Variants in SNPH observed in about 807,000 individuals in gnomAD.
The protein encoded by SNPH is syntaphilin.
In SNPH, 10 loss-of-function variants were observed where a neutral mutation model predicts 36.8. That is an observed-to-expected ratio of 0.27 (90% CI 0.17 to 0.46). SNPH has a LOEUF of 0.46. Among genes scored for constraint, SNPH ranks in the 20% least tolerant of loss-of-function variants. The pLI, the probability that SNPH is intolerant of heterozygous loss-of-function variation, is 1.00. For missense variants in SNPH, 622 were observed against 744.0 expected, an observed-to-expected ratio of 0.84 and a Z score of 1.91; for synonymous variants, 281 against 312.2, an observed-to-expected ratio of 0.90 and a Z score of 1.05.
chr20:1,292,707 C>A (rs959449440), intron 2 of SNPH, among the ~76,000 whole-genome samples: 3 of 152,170 alleles, frequency 2.0e-5, no homozygotes, highest in Non-Finnish European at 2.9e-5. Context: ...GCCTGCCCCC[C>A]TCCTTCTGCA....
At chr20:1,278,944 A>C (rs951583305) in intron 2 of SNPH, among the ~76,000 whole-genome samples, 6 of 152,194 alleles carry the variant, frequency 3.9e-5, no homozygotes, top group African/African-American at 1.4e-4. Context: ...ATAAATCATC[A>C]TTTGTTTATA....
chr20:1,305,655 C>T lies in SNPH; in HGVS notation c.1218C>T (p.Asn406=). ...ACCCTTCAGGGCCCAGAGACCCCAACTCAGCAGTGGTGGTGACAGTGGGTG... is the reference window on the plus strand; with the variant it reads ...ACCCTTCAGGGCCCAGAGACCCCAATTCAGCAGTGGTGGTGACAGTGGGTG... ...DAHPSGPRDP[N]SAVVVTVGDE... is the part of the protein sequence containing the mutation. Residue 406 remains asparagine (N), a synonymous_variant, in exon 7 of 7, where the codon AAC becomes AAT. Transcript: ENST00000381867. The T allele has an allele frequency of 2.5e-6, 4 of 1,613,138 alleles. No homozygotes were observed. Among genetic ancestry groups the T allele is most frequent in the Non-Finnish European group, 3.4e-6 (4 of 1,179,830 alleles).
intron 6 of SNPH, among the ~76,000 whole-genome samples, chr20:1,303,673 G>A (rs1234619780): frequency 6.6e-6 from 1 of 152,124 alleles, no homozygotes; most frequent in East Asian, 1.9e-4. Context: ...TCAGCCCCCA[G>A]TCCCTCCAGC....
rs141558736 is a variant in SNPH, at chr20:1,297,199, C to T, written c.237C>T (p.Ser79=). 1.4e-5 allele frequency: 22 copies of T among 1,613,812 alleles called. No individual in the cohort carries two copies. Among genetic ancestry groups the T allele is most frequent in the Non-Finnish European group, 1.8e-5 (21 of 1,180,014 alleles). The change falls in exon 5 of 7, where the codon AGC becomes AGT. Residue 79 remains serine, a synonymous_variant. Coordinates refer to ENST00000381867, the MANE Select transcript of SNPH (RefSeq NM_001318234.2). ...VRDAYGTSSL[S]SSSNSGSYKG... is the part of the protein sequence containing the mutation. ...ATGCCTACGGCACCTCTTCGCTCAG[C>T]AGCAGCAGCAATTCTGGCTCCTACA... is the stretch of plus-strand genomic sequence containing the variant.
At chr20:1,293,650 A>AC (rs1280638800) in intron 2 of SNPH, among the ~76,000 whole-genome samples, 2 of 152,108 alleles carry the variant, frequency 1.3e-5, no homozygotes, top group Non-Finnish European at 2.9e-5. Context: ...CCCATGAGGG[A>AC]CCCTGCCTGC....
At chr20:1,293,237 C>CG (rs1246556430) in intron 2 of SNPH, among the ~76,000 whole-genome samples, 4 of 152,170 alleles carry the variant, frequency 2.6e-5, no homozygotes, top group Middle Eastern at 3.4e-3. Flanking sequence ...CCCCCATTGT[C>CG]GGGGGGGTTA....
chr20:1,305,272 G>A lies in SNPH; in HGVS notation c.835G>A (p.Gly279Ser), dbSNP rs376994362. ...CCGCCAGCCGGGTGATCCCTCCAGC[G>A]GCTCTGCTGAGGATGGGGCAGACAG... ...GDRQPGDPSS[G>S]SAEDGADSGF... The change falls in exon 7 of 7, where the codon GGC (glycine) becomes AGC (serine). Residue 279 changes from glycine (G) to serine (S), a missense_variant. Physicochemically the swap from Gly to Ser is moderately conservative, Grantham distance 56. This residue lies in a region of SNPH where 379 missense variants were observed against 427.9 expected (regional missense o/e 0.89). Transcript: ENST00000381867. 5.6e-6 allele frequency: 9 copies of A among 1,610,818 alleles called. No individual in the cohort carries two copies. The highest frequency in any genetic ancestry group is 4.5e-5 in the East Asian group (2 of 44,878).
chr20:1,267,714 G>A (rs912397512), intron 2 of SNPH, among the ~76,000 whole-genome samples: 1 of 152,186 alleles, frequency 6.6e-6, no homozygotes, highest in East Asian at 1.9e-4. Flanking sequence ...TTTAAATTTA[G>A]TTTCATGAAA....
rs548967596 is a variant in SNPH at position 1,276,678 on chromosome 20, C to T, written c.-493+9918C>T. Among the ~76,000 whole-genome samples the T allele has an allele frequency of 1.3e-5, 2 of 152,188 alleles. No homozygotes were observed. The highest frequency in any genetic ancestry group is 2.9e-5 in the Non-Finnish European group (2 of 68,034). ...TAATAAATGCCAGTACCCTTTCATC[C>T]GTGTTGTATAGGAATCACTTTATAA... On this transcript the variant is annotated intron_variant, in intron 2 of 6. Coordinates refer to ENST00000381867, the MANE Select transcript of SNPH (RefSeq NM_001318234.2). The surrounding 1 kb of genome is among the most constrained non-coding windows in gnomAD (Gnocchi z 4.6).
At chr20:1,300,351 T>A (rs3795142) in intron 5 of SNPH, among the ~76,000 whole-genome samples, 58,594 of 151,686 alleles carry the variant, frequency 0.39, 11,418 homozygotes, top group Middle Eastern at 0.57. Flanking sequence ...TGAAGCCCGC[T>A]TCCTGACATG....
At chr20:1,284,381 G>C (rs2088260677) in intron 2 of SNPH, among the ~76,000 whole-genome samples, 1 of 152,182 alleles carries the variant, frequency 6.6e-6, no homozygotes, top group Non-Finnish European at 1.5e-5. Context: ...GCCTGTGGTG[G>C]CCTGACACTA....
chr20:1,298,281 G>A lies in SNPH; in HGVS notation c.290+1029G>A, dbSNP rs150752436. ...AGTTGGCCAATAACTGATACCTCCT[G>A]TTGTTAGAGCTTTGATCTGACTTAA... On this transcript the variant is annotated intron_variant, in intron 5 of 6. Coordinates refer to ENST00000381867, the MANE Select transcript of SNPH (RefSeq NM_001318234.2). 1.1e-4 allele frequency among the ~76,000 whole-genome samples: 16 copies of A among 152,338 alleles called. No homozygotes were observed. The South Asian group carries it at 1.4e-3, about 14-fold the overall frequency.
Position 1,285,660 on chromosome 20 carries a change from T to C in SNPH, c.-492-9291T>C, listed in dbSNP as rs1356909376. On this transcript the variant is annotated intron_variant, in intron 2 of 6. Transcript: ENST00000381867. This position sits in a 1 kb window ranked among gnomAD's most constrained non-coding sequence, Gnocchi z 4.9. ...AGTGGCATTCCCACTGTCATAAAGA[T>C]GGTGGGTGGTGGAGTTTGGAATTCA... 6.6e-6 allele frequency among the ~76,000 whole-genome samples: 1 copy of C among 152,076 alleles called. No individual in the cohort carries two copies. The highest frequency in any genetic ancestry group is 1.5e-5 in the Non-Finnish European group (1 of 68,014).
In SNPH at chr20:1,266,618, C is replaced by T; in HGVS notation, c.-599-36C>T. Reference sequence around the variant, plus strand: ...CCTGGGTGTTCCCCGCCCGCGCTCACCCGCCCCGGTCTATCTCTTTTTCCT... The same window carrying T: ...CCTGGGTGTTCCCCGCCCGCGCTCATCCGCCCCGGTCTATCTCTTTTTCCT... On this transcript the variant is annotated intron_variant, in intron 1 of 6. Coordinates refer to ENST00000381867, the MANE Select transcript of SNPH (RefSeq NM_001318234.2). The surrounding 1 kb of genome is among the most constrained non-coding windows in gnomAD (Gnocchi z 6.0). 6.8e-7 allele frequency: 1 copy of T among 1,463,954 alleles called. No individual in the cohort carries two copies. Among genetic ancestry groups the T allele is most frequent in the South Asian group, 1.4e-5 (1 of 72,502 alleles). The allele number at this position is 1,463,954 out of a possible 1,614,324, so 90.7% of individuals were successfully genotyped here. A position where few individuals can be genotyped will look rare whatever the true frequency, so the allele number is the denominator to read the frequency against.
At chr20:1,282,258 A>G (rs6041094) in intron 2 of SNPH, among the ~76,000 whole-genome samples, 20,344 of 152,264 alleles carry the variant, frequency 0.13, 2,523 homozygotes, top group African/African-American at 0.33. Flanking sequence ...AATATAGGAA[A>G]ATAATTATTC....
chr20:1,279,389 T>C (rs2088188944), intron 2 of SNPH, among the ~76,000 whole-genome samples: 1 of 152,250 alleles, frequency 6.6e-6, no homozygotes, highest in Non-Finnish European at 1.5e-5. Context: ...TTCAAGTATT[T>C]TGCCCATTAA....
chr20:1,290,819 T>C (rs2088352279), intron 2 of SNPH, among the ~76,000 whole-genome samples: 1 of 152,244 alleles, frequency 6.6e-6, no homozygotes, highest in African/African-American at 2.4e-5. Flanking sequence ...CAGCAATACA[T>C]GAGAGTTCCA....
In SNPH at chr20:1,266,614, C is replaced by A; in HGVS notation, c.-599-40C>A. On this transcript the variant is annotated intron_variant, in intron 1 of 6. Transcript: ENST00000381867. This position sits in a 1 kb window ranked among gnomAD's most constrained non-coding sequence, Gnocchi z 6.0. Reference sequence around the variant, plus strand: ...GCTGCCTGGGTGTTCCCCGCCCGCGCTCACCCGCCCCGGTCTATCTCTTTT... The same window carrying A: ...GCTGCCTGGGTGTTCCCCGCCCGCGATCACCCGCCCCGGTCTATCTCTTTT... 6.9e-7 allele frequency: 1 copy of A among 1,446,110 alleles called. No homozygotes were observed. 89.6% of individuals were successfully genotyped at this position (1,446,110 alleles called of 1,614,324 possible). A position where few individuals can be genotyped will look rare whatever the true frequency, so the allele number is the denominator to read the frequency against.
intron 2 of SNPH, among the ~76,000 whole-genome samples, chr20:1,283,975 C>T (rs780953246): frequency 4.1e-4 from 63 of 152,282 alleles, no homozygotes; most frequent in Non-Finnish European, 7.9e-4. Context: ...CAAGGGCTTG[C>T]TGTATATGCT....
Sources: gnomAD v4.1 joint callset for allele counts (sites outside exome capture counted in the v4.1 genomes callset) on GRCh38, gnomAD v4.1.1 for gene constraint, gnomAD v4.1.1 regional missense constraint, Gnocchi (gnomAD v3.1) non-coding constraint, MANE v1.5 for transcripts, NCBI Gene and HGNC (gene_info 2026-07-23, HGNC 2026-07-21) for gene names.